The following ZDHHC17 variants were observed in gnomAD, a reference collection of about 807,000 sequenced individuals.
ZDHHC17 encodes palmitoyltransferase ZDHHC17.
ZDHHC17 carries 40 observed loss-of-function variants against 90.3 expected under a neutral mutation model. That is an observed-to-expected ratio of 0.44 (90% CI 0.34 to 0.58). The LOEUF (loss-of-function observed/expected upper bound fraction) is 0.58. ZDHHC17 is among the 20% of genes least tolerant of loss of function. The pLI is 0.01. For synonymous variants in ZDHHC17, 235 were observed against 252.4 expected (o/e 0.93, Z 0.65); for missense variants, 614 against 780.8 (o/e 0.79, Z 2.55).
At chr12:76,817,016 A>G (rs1328842327) in intron 7 of ZDHHC17, among the ~76,000 whole-genome samples, 1 of 152,034 alleles carries the variant, frequency 6.6e-6, no homozygotes, top group Non-Finnish European at 1.5e-5. Context: ...AAGTCAGCAT[A>G]TCATAGTGCC....
intron 10 of ZDHHC17, chr12:76,840,610 G>T (rs1822571577): frequency 2.6e-5 from 4 of 151,930 alleles, no homozygotes; most frequent in Admixed American, 2.0e-4. Flanking sequence ...CAAAGTGCTG[G>T]GATTACAGGT....
rs561501725 is a variant in ZDHHC17 at position 76,768,457 on chromosome 12, G to A, written c.93+4128G>A. Among the ~76,000 whole-genome samples, 52 of 152,258 alleles carry A rather than the reference G, an allele frequency of 3.4e-4. 2 individuals carry two copies. In the South Asian group the frequency reaches 9.9e-3, roughly 29 times the overall value. On this transcript the variant is annotated intron_variant, in intron 1 of 16. Transcript: ENST00000426126. ...CTACTAGGTACGTAGCATTGTGTTA[G>A]GTTATATGGGTTAAAATAACATAAA...
intron 3 of ZDHHC17, among the ~76,000 whole-genome samples, chr12:76,806,157 A>G (rs1410283342): frequency 8.5e-5 from 13 of 152,146 alleles, no homozygotes. Flanking sequence ...GTGTAGTGGT[A>G]CAATCTTGGC....
intron 9 of ZDHHC17, 58 bp from the exon 10 acceptor site, chr12:76,828,332 A>G: frequency 2.2e-6 from 3 of 1,369,180 alleles, no homozygotes; most frequent in African/African-American, 1.5e-5. Flanking sequence ...ATTTAAATAA[A>G]TACTCATTTT....
Position 76,791,127 on chromosome 12 carries a change from T to C in ZDHHC17, c.94-6307T>C, listed in dbSNP as rs188485268. Among the ~76,000 whole-genome samples the C allele has an allele frequency of 5.8e-3, 883 of 152,272 alleles. 10 individuals are homozygous for C. The highest frequency in any genetic ancestry group is 0.021 in the African/African-American group (859 of 41,556). Reference sequence around the variant, plus strand: ...AAAAATAAAAGCCGAGAAAACATGGTGTTTCAGGTAGGTTGTAAGAGTCTG... The same window carrying C: ...AAAAATAAAAGCCGAGAAAACATGGCGTTTCAGGTAGGTTGTAAGAGTCTG... On this transcript the variant is annotated intron_variant, in intron 1 of 16. Transcript: ENST00000426126.
chr12:76,842,795 C>G, intron 11 of ZDHHC17, 124 bp from the exon 12 acceptor site: 1 of 676,994 alleles, frequency 1.5e-6, no homozygotes, highest in Non-Finnish European at 2.4e-6. Flanking sequence ...TTTTATTTCT[C>G]TTTTTGAACT....
At chr12:76,828,147 C>T (rs1592491296) in intron 9 of ZDHHC17, among the ~76,000 whole-genome samples, 1 of 151,972 alleles carries the variant, frequency 6.6e-6, no homozygotes, top group Admixed American at 6.5e-5. Context: ...AATTCTGAAA[C>T]TGAAAAGTAT....
At chr12:76,828,847 T>G (rs963029253) in intron 10 of ZDHHC17, among the ~76,000 whole-genome samples, 4 of 152,038 alleles carry the variant, frequency 2.6e-5, no homozygotes, top group Admixed American at 6.6e-5. Context: ...CATGTGAAGG[T>G]TTGTTGTAGG....
chr12:76,781,519 G>T, intron 1 of ZDHHC17: 3 of 430,836 alleles, frequency 7.0e-6, no homozygotes, highest in Admixed American at 2.5e-5. Flanking sequence ...TATCAAGAGA[G>T]TGAGTTTGTT....
At chr12:76,825,399 G>A (rs1483810262) in intron 8 of ZDHHC17, among the ~76,000 whole-genome samples, 1 of 152,058 alleles carries the variant, frequency 6.6e-6, no homozygotes, top group Non-Finnish European at 1.5e-5. Context: ...CCTAATATAA[G>A]AGAAAATAGA....
At chr12:76,775,609 G>A (rs1175792524) in intron 1 of ZDHHC17, among the ~76,000 whole-genome samples, 3 of 152,126 alleles carry the variant, frequency 2.0e-5, no homozygotes, top group African/African-American at 7.2e-5. Context: ...AAAGCATTCA[G>A]TTCAGTTGGC....
At chr12:76,809,534 AGTT>A (rs1565784195) in intron 4 of ZDHHC17, among the ~76,000 whole-genome samples, 176 bp from the exon 5 acceptor site, 1 of 152,176 alleles carries the variant, frequency 6.6e-6, no homozygotes, top group Non-Finnish European at 1.5e-5. Context: ...CTGTTAATCT[AGTT>A]AAGACTTCTA....
intron 1 of ZDHHC17, among the ~76,000 whole-genome samples, chr12:76,783,024 A>G (rs1281185651): frequency 2.6e-5 from 4 of 152,156 alleles, no homozygotes; most frequent in Non-Finnish European, 5.9e-5. Context: ...CAGGCCCCCA[A>G]ATGGCAAGGG....
In ZDHHC17 at chr12:76,764,192, T is replaced by G; in HGVS notation, c.-45T>G. The G allele has an allele frequency of 8.6e-7, 1 of 1,166,914 alleles. No homozygotes were observed. The highest frequency in any genetic ancestry group is 1.2e-6 in the Non-Finnish European group (1 of 851,440). 72.3% of individuals were successfully genotyped at this position (1,166,914 alleles called of 1,614,324 possible). A position where few individuals can be genotyped will look rare whatever the true frequency, so the allele number is the denominator to read the frequency against. On this transcript the variant is annotated 5_prime_UTR_variant, in exon 1 of 17. Coordinates refer to ENST00000426126, the MANE Select transcript of ZDHHC17 (RefSeq NM_015336.4). ...GCTCGCGCTCGCCCCGCGCTCGCCCTCCGCCTCGCCCGAGCCCCGGGAGGG... is the reference window on the plus strand; with the variant it reads ...GCTCGCGCTCGCCCCGCGCTCGCCCGCCGCCTCGCCCGAGCCCCGGGAGGG...
At chr12:76,815,639 C>G (rs534527691) in intron 6 of ZDHHC17, among the ~76,000 whole-genome samples, 1 of 151,796 alleles carries the variant, frequency 6.6e-6, no homozygotes, top group African/African-American at 2.4e-5. Context: ...TGCTTATCCC[C>G]TGAAACTATT....
intron 3 of ZDHHC17, among the ~76,000 whole-genome samples, chr12:76,807,509 T>C (rs748489625): frequency 3.9e-5 from 6 of 152,206 alleles, no homozygotes; most frequent in Non-Finnish European, 8.8e-5. Context: ...TTAAGAATTG[T>C]GCAATCTCAG....
intron 8 of ZDHHC17, among the ~76,000 whole-genome samples, chr12:76,824,785 G>A (rs1351179030): frequency 1.3e-5 from 2 of 151,564 alleles, no homozygotes; most frequent in Admixed American, 6.6e-5. Context: ...TGAGGCTGCA[G>A]TGAGCCAAGA....
chr12:76,832,543 A>G (rs1953316351), intron 10 of ZDHHC17, among the ~76,000 whole-genome samples: 1 of 152,230 alleles, frequency 6.6e-6, no homozygotes. Flanking sequence ...GTTGATCACT[A>G]CATAACCTTG....
intron 1 of ZDHHC17, among the ~76,000 whole-genome samples, chr12:76,780,407 T>A (rs1952608697): frequency 6.6e-6 from 1 of 152,260 alleles, no homozygotes; most frequent in Admixed American, 6.5e-5. Context: ...CCAGCAGTTC[T>A]CTACACTTAA....
Sources: allele counts gnomAD v4.1 joint callset (sites outside exome capture counted in the v4.1 genomes callset), GRCh38; gene constraint gnomAD v4.1.1; transcripts MANE v1.5; gene names NCBI Gene and HGNC (gene_info 2026-07-23, HGNC 2026-07-21).